CNGA3: variants seen among roughly 807,000 people sequenced by gnomAD.
CNGA3 encodes the protein cyclic nucleotide gated channel subunit alpha 3.
Under a neutral mutation model 46.6 loss-of-function variants are expected in CNGA3, and 42 were observed. The ratio of observed to expected loss-of-function variants is 0.90; its 90% confidence interval spans 0.70 to 1.17. CNGA3 has a LOEUF of 1.17. Ranked by LOEUF, CNGA3 falls within the 50% of genes most tolerant of loss-of-function variation. The pLI, the probability that CNGA3 is intolerant of heterozygous loss-of-function variation, is 0.00. For synonymous variants in CNGA3, 394 were observed against 369.4 expected, an observed-to-expected ratio of 1.07 and a Z score of -0.76; for missense variants, 893 against 890.7, an observed-to-expected ratio of 1.00 and a Z score of -0.03.
intron 3 of CNGA3, among the ~76,000 whole-genome samples, chr2:98,379,170 T>C (rs1268045383): frequency 6.6e-6 from 1 of 152,220 alleles, no homozygotes; most frequent in Non-Finnish European, 1.5e-5. Context: ...TACCTCCAAA[T>C]ATGTCTGCGG....
At chr2:98,369,806 A>G (rs562785007) in intron 1 of CNGA3, 133 bp from the exon 2 acceptor site, 4 of 646,302 alleles carry the variant, frequency 6.2e-6, no homozygotes, top group African/African-American at 3.6e-5. Context: ...AGCAGGAACT[A>G]CAAGAGACAG....
intron 1 of CNGA3, among the ~76,000 whole-genome samples, chr2:98,348,273 C>T (rs542312794): frequency 6.6e-6 from 1 of 152,296 alleles, no homozygotes; most frequent in South Asian, 2.1e-4. Context: ...CTGGTGGAGG[C>T]AGGATCTTAA....
intron 4 of CNGA3, among the ~76,000 whole-genome samples, chr2:98,381,233 G>A (rs1369234425): frequency 2.6e-5 from 4 of 152,152 alleles, no homozygotes; most frequent in African/African-American, 9.7e-5. Flanking sequence ...ACGTTGAGGG[G>A]AAGCTGACCT....
chr2:98,383,869 G>T (rs1314826133), intron 5 of CNGA3, among the ~76,000 whole-genome samples: 1 of 151,950 alleles, frequency 6.6e-6, no homozygotes, highest in Non-Finnish European at 1.5e-5. Flanking sequence ...CCTTGTTTTT[G>T]CTGCTGTTGT....
chr2:98,386,530 G>A (rs764734494), intron 5 of CNGA3, among the ~76,000 whole-genome samples: 13 of 152,224 alleles, frequency 8.5e-5, no homozygotes, highest in South Asian at 2.1e-4. Flanking sequence ...CCATGATTGC[G>A]AGGCCTCCCA....
chr2:98,384,075 GA>G (rs1454953176), intron 5 of CNGA3, among the ~76,000 whole-genome samples: 6 of 152,160 alleles, frequency 3.9e-5, no homozygotes, highest in East Asian at 3.9e-4. Flanking sequence ...TTTTAGTAGA[GA>G]GGGGGGGTTT....
chr2:98,346,945 C>T (rs1691640924), intron 1 of CNGA3: 1 of 152,466 alleles, frequency 6.6e-6, no homozygotes, highest in Non-Finnish European at 1.5e-5. Flanking sequence ...GGCTTGCAGC[C>T]GCGACCCCAC....
rs1008338961 is a variant in CNGA3, at chr2:98,398,346, C to T, written c.*1091C>T. The T allele has an allele frequency of 6.6e-6, 1 of 152,054 alleles. No individual in the cohort carries two copies. Among genetic ancestry groups the T allele is most frequent in the Non-Finnish European group, 1.5e-5 (1 of 68,008 alleles). 9.4% of individuals were successfully genotyped at this position (152,054 alleles called of 1,614,324 possible). ...ATAACAGATTTATATTTTTGAGTTC[C>T]GTGATTGCAAATTATGACCTCAAAT... On this transcript the variant is annotated 3_prime_UTR_variant, in exon 8 of 8. Transcript: ENST00000272602.
chr2:98,360,997 TTTTATTTTATTTTATTTTATTTTA>T (rs149335455), intron 1 of CNGA3, among the ~76,000 whole-genome samples: 20,889 of 138,460 alleles, frequency 0.15, 1,622 homozygotes, highest in Non-Finnish European at 0.2. Flanking sequence ...TTATTTTTAT[TTTTATTTTATTTTATTTTATTTTA>T]TTTATTTTAT....
At chr2:98,369,861 A>C in intron 1 of CNGA3, 78 bp from the exon 2 acceptor site, 1 of 887,612 alleles carries the variant, frequency 1.1e-6, no homozygotes, top group Admixed American at 2.0e-5. Context: ...CGCGTGCGGT[A>C]GCCCTTGCCC....
At chr2:98,352,539 G>A (rs1691790249) in intron 1 of CNGA3, among the ~76,000 whole-genome samples, 1 of 152,120 alleles carries the variant, frequency 6.6e-6, no homozygotes, top group South Asian at 2.1e-4. Flanking sequence ...TCACATTGTG[G>A]AAAATGGTTA....
chr2:98,392,083 G>C, intron 7 of CNGA3, 113 bp downstream of exon 7: 4 of 935,752 alleles, frequency 4.3e-6, no homozygotes, highest in South Asian at 1.4e-5. Flanking sequence ...GGCCAGGCAG[G>C]TCTGGGGACC....
At position 98,361,987 on chromosome 2, in the gene CNGA3, G is replaced by A. The variant is rs1372841684; in HGVS notation, c.-37-7952G>A. Among the ~76,000 whole-genome samples, 8 of 152,094 alleles carry A rather than the reference G, an allele frequency of 5.3e-5. No individual in the cohort carries two copies. In the South Asian group the frequency reaches 6.2e-4, roughly 12 times the overall value. ...CTCCCAAAGTGCTGGGATTACAGGC[G>A]TGAGCCACCGCGCCCGGCCTTCTTG... On this transcript the variant is annotated intron_variant, in intron 1 of 7. Coordinates refer to ENST00000272602, the MANE Select transcript of CNGA3 (RefSeq NM_001298.3).
At chr2:98,391,690 A>G (rs1029968411) in intron 6 of CNGA3, among the ~76,000 whole-genome samples, 174 bp from the exon 7 acceptor site, 1 of 152,126 alleles carries the variant, frequency 6.6e-6, no homozygotes, top group Non-Finnish European at 1.5e-5. Context: ...AAAGCTTCTC[A>G]GAGACATCTC....
chr2:98,371,415 C>A (rs10172229), intron 2 of CNGA3, among the ~76,000 whole-genome samples: 7,723 of 152,236 alleles, frequency 0.051, 228 homozygotes, highest in African/African-American at 0.08. Flanking sequence ...AGCTCCTCAG[C>A]AAACTCTGCT....
intron 1 of CNGA3, among the ~76,000 whole-genome samples, chr2:98,366,487 C>T (rs571639051): frequency 6.6e-6 from 1 of 152,348 alleles, no homozygotes; most frequent in South Asian, 2.1e-4. Context: ...TTCCTTAAAG[C>T]CAGCCAGGGG....
At chr2:98,383,307 G>A (rs905766867) in intron 4 of CNGA3, 81 bp from the exon 5 acceptor site, 11 of 1,302,766 alleles carry the variant, frequency 8.4e-6, no homozygotes, top group Non-Finnish European at 1.2e-5. Context: ...GGGGGGTGGG[G>A]CATGGTAATC....
At chr2:98,382,583 C>T (rs377577780) in intron 4 of CNGA3, among the ~76,000 whole-genome samples, 313 of 152,308 alleles carry the variant, frequency 2.1e-3, no homozygotes, top group African/African-American at 7.2e-3. Context: ...CTCCAGTTCC[C>T]GTGGTCTCCT....
intron 1 of CNGA3, among the ~76,000 whole-genome samples, chr2:98,367,478 G>A (rs1467367428): frequency 6.6e-6 from 1 of 152,124 alleles, no homozygotes; most frequent in Admixed American, 6.5e-5. Flanking sequence ...ACGGGCGTGA[G>A]CTACCCCGCC....
Sources: allele counts gnomAD v4.1 joint callset (sites outside exome capture counted in the v4.1 genomes callset), GRCh38; gene constraint gnomAD v4.1.1; transcripts MANE v1.5; gene names NCBI Gene and HGNC (gene_info 2026-07-23, HGNC 2026-07-21).